HEATR4: variants seen among roughly 807,000 people sequenced by gnomAD.
HEATR4 encodes HEAT repeat containing 4.
A neutral mutation model predicts 108.8 loss-of-function variants in HEATR4; 95 were observed. That is an observed-to-expected ratio of 0.87 (90% CI 0.74 to 1.04). The LOEUF is 1.04. HEATR4 is among the 50% of genes least tolerant of loss of function. The pLI is 0.00. For synonymous variants in HEATR4, 443 were observed against 459.4 expected (o/e 0.96, Z 0.46); for missense variants, 1,152 against 1,253.8 (o/e 0.92, Z 1.23).
chr14:73,497,648 C>T (rs780460096), intron 14 of HEATR4, among the ~76,000 whole-genome samples: 56 of 150,618 alleles, frequency 3.7e-4, no homozygotes, highest in Non-Finnish European at 7.1e-4. Context: ...TTTTTTGAGA[C>T]GGAGTTTTGC....
At chr14:73,515,646 T>C (rs1887555055) in intron 5 of HEATR4, among the ~76,000 whole-genome samples, 1 of 117,608 alleles carries the variant, frequency 8.5e-6, no homozygotes, top group Non-Finnish European at 1.6e-5. Flanking sequence ...CGCTCCAACC[T>C]GGGTGACAAA....
intron 4 of HEATR4, 29 bp from the exon 5 acceptor site, chr14:73,519,192 C>A: frequency 3.1e-6 from 5 of 1,588,412 alleles, no homozygotes; most frequent in Non-Finnish European, 4.3e-6. Flanking sequence ...ACAATGAGTC[C>A]CCTATAACCT....
chr14:73,568,299 G>A, the HEATR4 span, among the ~76,000 whole-genome samples: 1 of 151,264 alleles, frequency 6.6e-6, no homozygotes, highest in Non-Finnish European at 1.5e-5. Context: ...ACACAGGTAG[G>A]AAATTATAAA....
upstream of HEATR4, among the ~76,000 whole-genome samples, chr14:73,560,983 G>A (rs1031337092): frequency 4.6e-5 from 7 of 152,014 alleles, no homozygotes; most frequent in South Asian, 4.1e-4. Context: ...ATAGCCAAAC[G>A]GTGGAAAGAA....
chr14:73,487,583 A>G (rs1202476721), intron 17 of HEATR4, among the ~76,000 whole-genome samples: 65 of 152,074 alleles, frequency 4.3e-4, no homozygotes, highest in Admixed American at 4.3e-3. Flanking sequence ...AAACAAACAA[A>G]CAAAGCCTAT....
chr14:73,537,491 C>T (rs771091368), intron 1 of HEATR4: 3 of 1,221,360 alleles, frequency 2.5e-6, no homozygotes, highest in South Asian at 1.4e-5. Flanking sequence ...AATCGCCGTG[C>T]GCGGCCTAGC....
At position 73,519,067 on chromosome 14, in the gene HEATR4, G is replaced by A. The variant is rs141181710; in HGVS notation, c.1166C>T (p.Pro389Leu). The A allele has an allele frequency of 1.4e-5, 22 of 1,613,890 alleles. No individual in the cohort carries two copies. The African/African-American group carries it at 2.8e-4, about 21-fold the overall frequency. The change falls in exon 5 of 18, where the codon CCT (proline) becomes CTT (leucine). Residue 389 changes from proline (P) to leucine (L), a missense_variant. By Grantham distance (98) the Pro-to-Leu change is moderately conservative. Coordinates refer to ENST00000553558, the MANE Select transcript of HEATR4 (RefSeq NM_001220484.1). ...GGCACTCCACTTTTCTGGAGTTTCA[G>A]GGAAGACCTTAGATAGCTGCTTGTT... ...RYNKQLSKVF[P>L]ETPEKWSAQA... is the part of the protein sequence containing the mutation.
chr14:73,608,001 T>C, the HEATR4 span, among the ~76,000 whole-genome samples: 2 of 151,858 alleles, frequency 1.3e-5, no homozygotes, highest in Admixed American at 6.6e-5. Flanking sequence ...CTTGACTCAC[T>C]GCAAGCTCCG....
chr14:73,588,051 G>C, the HEATR4 span, among the ~76,000 whole-genome samples: 4 of 149,574 alleles, frequency 2.7e-5, no homozygotes, highest in African/African-American at 9.9e-5. Flanking sequence ...GCCCAGGCTA[G>C]AGTGCAATGG....
chr14:73,577,812 A>G, the HEATR4 span, among the ~76,000 whole-genome samples: 1 of 151,912 alleles, frequency 6.6e-6, no homozygotes, highest in Admixed American at 6.6e-5. Context: ...CCAGGAGTTC[A>G]AGTCAGCCTG....
Position 73,522,246 on chromosome 14 carries a change from T to G in HEATR4, c.881+26A>C, listed in dbSNP as rs374957681. 51 of 1,598,308 alleles carry G rather than the reference T, an allele frequency of 3.2e-5. No homozygotes were observed. In the African/African-American group the frequency reaches 6.3e-4, roughly 20 times the overall value. The stretch of plus-strand genomic sequence containing the variant: ...AAGGGGAGTCAGGGATTATCAAAGG[T>G]GCACTTGAGGCCCTGGCCAGTATAC... On this transcript the variant is annotated intron_variant, in intron 3 of 17. Coordinates refer to ENST00000553558, the MANE Select transcript of HEATR4 (RefSeq NM_001220484.1).
intron 3 of HEATR4, among the ~76,000 whole-genome samples, chr14:73,521,794 A>G (rs761541495): frequency 2.0e-5 from 3 of 152,160 alleles, no homozygotes; most frequent in Non-Finnish European, 2.9e-5. Flanking sequence ...CCTCGGTGCT[A>G]TGAGGTTCCT....
the HEATR4 span, chr14:73,569,975 C>CA: frequency 3.5e-5 from 51 of 1,460,372 alleles, no homozygotes; most frequent in East Asian, 1.1e-3. Flanking sequence ...TGTATGCCCC[C>CA]CCGCCGCGCC....
chr14:73,514,980 A>C (rs1341492645), intron 5 of HEATR4, among the ~76,000 whole-genome samples: 1 of 151,808 alleles, frequency 6.6e-6, no homozygotes, highest in Non-Finnish European at 1.5e-5. Context: ...AGGCAGGAGA[A>C]TCACTTGAAC....
the HEATR4 span, among the ~76,000 whole-genome samples, chr14:73,629,942 C>T: frequency 1.8e-4 from 27 of 151,798 alleles, no homozygotes; most frequent in East Asian, 3.7e-3. Flanking sequence ...CCACCACACC[C>T]GGCCCCAGAT....
Position 73,522,857 on chromosome 14 carries a change from G to T in HEATR4, c.296C>A (p.Thr99Asn). ...CTGGGGAGTATGGATGATGTCATTG[G>T]TATTGTAGAGGTGGTCAAAGCTGTA... ...SQYSFDHLYN[T>N]NDIIHTPQIR... is the part of the protein sequence containing the mutation. Residue 99 changes from threonine to asparagine, a missense_variant, in exon 3 of 18, where the codon ACC (threonine) becomes AAC (asparagine). Physicochemically the swap from Thr to Asn is moderately conservative, Grantham distance 65. Coordinates refer to ENST00000553558, the MANE Select transcript of HEATR4 (RefSeq NM_001220484.1). 1 of 1,614,172 alleles carries T rather than the reference G, an allele frequency of 6.2e-7. No individual in the cohort carries two copies. The highest frequency in any genetic ancestry group is 8.5e-7 in the Non-Finnish European group (1 of 1,180,024).
chr14:73,622,484 C>A, the HEATR4 span, among the ~76,000 whole-genome samples: 1 of 152,116 alleles, frequency 6.6e-6, no homozygotes, highest in African/African-American at 2.4e-5. Context: ...CTCACCGCAA[C>A]CTCTGCCTCC....
intron 7 of HEATR4, among the ~76,000 whole-genome samples, chr14:73,510,797 C>T (rs917066599): frequency 6.6e-6 from 1 of 152,058 alleles, no homozygotes; most frequent in Admixed American, 6.6e-5. Context: ...AGCACAGGAG[C>T]ATGTTGTTTA....
the HEATR4 span, chr14:73,610,959 C>T: frequency 6.6e-6 from 1 of 152,232 alleles, no homozygotes; most frequent in African/African-American, 2.4e-5. Flanking sequence ...ACATGAGATT[C>T]CATCACCCAG....
Sources: gnomAD v4.1 joint callset for allele counts (sites outside exome capture counted in the v4.1 genomes callset) on GRCh38, gnomAD v4.1.1 for gene constraint, MANE v1.5 for transcripts, NCBI Gene and HGNC (gene_info 2026-07-23, HGNC 2026-07-21) for gene names.